The following SORCS2 variants were observed in gnomAD, a reference collection of about 807,000 sequenced individuals.
The protein encoded by SORCS2 is sortilin related VPS10 domain containing receptor 2, also known as VPS10 domain-containing receptor SorCS2.
A neutral mutation model predicts 141.6 loss-of-function variants in SORCS2; 100 were observed. That is an observed-to-expected ratio of 0.71 (90% CI 0.60 to 0.83). The LOEUF (loss-of-function observed/expected upper bound fraction) is 0.83, where lower values mean the gene tolerates loss of function less well. Ranked by LOEUF, SORCS2 falls within the 40% of genes least tolerant of loss-of-function variation. SORCS2 has a pLI of 0.00. For missense variants in SORCS2, 1,646 were observed against 1,560.2 expected (o/e 1.05, Z -0.93); for synonymous variants, 789 against 676.9 (o/e 1.17, Z -2.57).
At chr4:7,434,421 G>C in intron 2 of SORCS2, 12 of 1,608,784 alleles carry the variant, frequency 7.5e-6, no homozygotes, top group African/African-American at 5.3e-5. Flanking sequence ...CCTCTTTGGA[G>C]AGTGGCCTCA....
intron 19 of SORCS2, among the ~76,000 whole-genome samples, chr4:7,724,944 GTGGTGGTGT>G (rs1727088222): frequency 3.6e-5 from 3 of 83,366 alleles, no homozygotes; most frequent in African/African-American, 9.0e-5. Context: ...AGTGGTGATG[GTGGTGGTGT>G]TGGTGATGGT....
chr4:7,711,795 C>T (rs1361537342), intron 14 of SORCS2, among the ~76,000 whole-genome samples: 3 of 152,228 alleles, frequency 2.0e-5, no homozygotes, highest in Non-Finnish European at 2.9e-5. Flanking sequence ...CGGGCGGACC[C>T]GGCCTACCAG....
chr4:7,706,999 C>T (rs1346707759), intron 14 of SORCS2, among the ~76,000 whole-genome samples: 1 of 152,156 alleles, frequency 6.6e-6, no homozygotes, highest in East Asian at 1.9e-4. Context: ...AGCTCTGCTG[C>T]TTGACAATTA....
At position 7,727,404 on chromosome 4, in the gene SORCS2, A is replaced by G. The variant is rs953674885; in HGVS notation, c.2869+501A>G. Among the ~76,000 whole-genome samples the G allele has an allele frequency of 2.1e-5, 3 of 142,604 alleles. No homozygotes were observed. The East Asian group carries it at 6.4e-4, about 30-fold the overall frequency. 93.6% of individuals were successfully genotyped at this position (142,604 alleles called of 152,430 possible). On this transcript the variant is annotated intron_variant, in intron 21 of 26. Coordinates refer to ENST00000507866, the MANE Select transcript of SORCS2 (RefSeq NM_020777.3). Reference sequence around the variant, plus strand: ...CCTCGTGGGAGATATATACAATACCAACTGGTCCTAAGACTGAAGGAGACC... The same window carrying G: ...CCTCGTGGGAGATATATACAATACCGACTGGTCCTAAGACTGAAGGAGACC...
At chr4:7,490,687 T>C (rs6820154) in intron 2 of SORCS2, among the ~76,000 whole-genome samples, 1 of 151,952 alleles carries the variant, frequency 6.6e-6, no homozygotes, top group Admixed American at 6.6e-5. Context: ...CCAGCAGGGG[T>C]ATCCAGTGAA....
At chr4:7,362,546 TG>T (rs1412676995) in intron 1 of SORCS2, among the ~76,000 whole-genome samples, 1 of 152,156 alleles carries the variant, frequency 6.6e-6, no homozygotes, top group African/African-American at 2.4e-5. Context: ...CCCAGGCTAC[TG>T]GACAAATGTG....
At chr4:7,670,514 A>T (rs546755766) in intron 8 of SORCS2, among the ~76,000 whole-genome samples, 1 of 152,346 alleles carries the variant, frequency 6.6e-6, no homozygotes, top group South Asian at 2.1e-4. Flanking sequence ...AAGCCGTATG[A>T]ATAAAGAAAG....
At chr4:7,411,438 A>T (rs1577516973) in intron 2 of SORCS2, among the ~76,000 whole-genome samples, 1 of 151,656 alleles carries the variant, frequency 6.6e-6, no homozygotes, top group Admixed American at 6.6e-5. Context: ...TATCTGATCA[A>T]CCATCAATGC....
chr4:7,429,926 A>G (rs796245729), intron 2 of SORCS2, among the ~76,000 whole-genome samples: 15 of 152,238 alleles, frequency 9.9e-5, no homozygotes, highest in African/African-American at 2.9e-4. Context: ...GTGGGCCATG[A>G]GGGAAGCCAG....
At chr4:7,519,064 ACCCGCCGTGGCTCTTGGAAGTGTG>A (rs1733161768) in intron 2 of SORCS2, among the ~76,000 whole-genome samples, 1 of 151,730 alleles carries the variant, frequency 6.6e-6, no homozygotes, top group Non-Finnish European at 1.5e-5. Context: ...TGGCTCTGTC[ACCCGCCGTGGCTCTTGGAAGTGTG>A]CCCGGCGGAG....
chr4:7,721,245 A>G (rs536162143), intron 18 of SORCS2, among the ~76,000 whole-genome samples: 9 of 152,284 alleles, frequency 5.9e-5, no homozygotes, highest in Admixed American at 3.3e-4. Context: ...TGGGTGGATC[A>G]GCTGAGGTCG....
At chr4:7,719,834 G>C (rs1181222057) in intron 18 of SORCS2, among the ~76,000 whole-genome samples, 1 of 152,206 alleles carries the variant, frequency 6.6e-6, no homozygotes, top group Non-Finnish European at 1.5e-5. Context: ...CGCCCAGGGG[G>C]CCGGGACCCT....
intron 3 of SORCS2, among the ~76,000 whole-genome samples, chr4:7,622,621 G>A (rs1719273715): frequency 6.6e-6 from 1 of 152,132 alleles, no homozygotes; most frequent in South Asian, 2.1e-4. Context: ...GAGGGCGCCT[G>A]GCCGGGCTCT....
intron 3 of SORCS2, among the ~76,000 whole-genome samples, chr4:7,612,354 C>T (rs949758236): frequency 3.3e-5 from 5 of 152,186 alleles, no homozygotes; most frequent in Non-Finnish European, 5.9e-5. Context: ...CTAGGACACA[C>T]GCCTCCGCCA....
At chr4:7,627,262 G>C (rs965996670) in intron 3 of SORCS2, among the ~76,000 whole-genome samples, 3 of 152,200 alleles carry the variant, frequency 2.0e-5, no homozygotes, top group Non-Finnish European at 4.4e-5. Context: ...TGGGATTACA[G>C]GTATGTGCCT....
intron 2 of SORCS2, among the ~76,000 whole-genome samples, chr4:7,520,945 G>T (rs536967015): frequency 8.5e-5 from 13 of 152,364 alleles, no homozygotes; most frequent in African/African-American, 2.9e-4. Flanking sequence ...TGGGGCATTG[G>T]TGCACGGATC....
chr4:7,687,814 T>C (rs924947329), intron 10 of SORCS2, among the ~76,000 whole-genome samples: 3 of 152,174 alleles, frequency 2.0e-5, no homozygotes, highest in Admixed American at 6.5e-5. Context: ...ATCACCACTG[T>C]CCCTTTTAGG....
chr4:7,240,984 G>C (rs913608959), intron 1 of SORCS2, among the ~76,000 whole-genome samples: 5 of 152,022 alleles, frequency 3.3e-5, no homozygotes, highest in Non-Finnish European at 7.4e-5. Flanking sequence ...GCCCAGGCTG[G>C]AGTGCAATGG....
chr4:7,382,518 C>T (rs1366034666), intron 1 of SORCS2, among the ~76,000 whole-genome samples: 1 of 152,140 alleles, frequency 6.6e-6, no homozygotes, highest in East Asian at 1.9e-4. Context: ...GCCGGGAAGG[C>T]CTTATTGACT....
Sources: gnomAD v4.1 joint callset for allele counts (sites outside exome capture counted in the v4.1 genomes callset) on GRCh38, gnomAD v4.1.1 for gene constraint, MANE v1.5 for transcripts, NCBI Gene and HGNC (gene_info 2026-07-23, HGNC 2026-07-21) for gene names.